STAM2: variants seen among roughly 807,000 people sequenced by gnomAD.
STAM2 encodes the protein signal transducing adaptor molecule 2, also known as signal transducing adapter molecule 2.
In STAM2, 51 loss-of-function variants were observed where a neutral mutation model predicts 65.6. The observed-to-expected ratio is 0.78, with a 90% CI of 0.62 to 0.98. The LOEUF is 0.98. Ranked by LOEUF, STAM2 falls within the 50% of genes least tolerant of loss-of-function variation. The pLI is 0.00. For synonymous variants in STAM2, 198 were observed against 208.4 expected, an observed-to-expected ratio of 0.95 and a Z score of 0.43; for missense variants, 584 against 617.8, an observed-to-expected ratio of 0.95 and a Z score of 0.58.
chr2:152,157,685 A>G (rs1689579048), intron 1 of STAM2, among the ~76,000 whole-genome samples: 1 of 152,254 alleles, frequency 6.6e-6, no homozygotes. Flanking sequence ...TTGTTATGGC[A>G]GCCCAAGCAG....
chr2:152,160,477 G>C (rs541646482), intron 1 of STAM2, among the ~76,000 whole-genome samples: 3 of 151,818 alleles, frequency 2.0e-5, no homozygotes, highest in African/African-American at 7.2e-5. Context: ...GAGAAGTGAG[G>C]AGCCCCTCCG....
At chr2:152,168,136 T>C (rs1038548983) in intron 1 of STAM2, among the ~76,000 whole-genome samples, 1 of 151,668 alleles carries the variant, frequency 6.6e-6, no homozygotes, top group Non-Finnish European at 1.5e-5. Context: ...TTTGATATCC[T>C]ACCCTACATA....
chr2:152,169,973 G>C (rs1689870169), intron 1 of STAM2, among the ~76,000 whole-genome samples: 1 of 151,876 alleles, frequency 6.6e-6, no homozygotes, highest in South Asian at 2.1e-4. Flanking sequence ...GAGTAGCTGA[G>C]ATGACAGGCA....
At chr2:152,158,787 C>T (rs1689601147) in intron 1 of STAM2, among the ~76,000 whole-genome samples, 1 of 152,016 alleles carries the variant, frequency 6.6e-6, no homozygotes, top group Non-Finnish European at 1.5e-5. Flanking sequence ...TGTGTCCTTA[C>T]ATGGCAGAAG....
At chr2:152,172,743 C>T (rs1329994754) in intron 1 of STAM2, among the ~76,000 whole-genome samples, 4 of 151,538 alleles carry the variant, frequency 2.6e-5, no homozygotes, top group Non-Finnish European at 4.4e-5. Context: ...TGGTGGTGCG[C>T]ACCTGTAGTC....
chr2:152,147,110 CA>C (rs776623890), intron 5 of STAM2, 51 bp downstream of exon 5: 21 of 1,511,684 alleles, frequency 1.4e-5, no homozygotes, highest in Non-Finnish European at 1.9e-5. Context: ...ACATAACATA[CA>C]TACCTTCAAA....
chr2:152,151,034 TA>T (rs1165953770), intron 1 of STAM2, among the ~76,000 whole-genome samples: 2 of 152,066 alleles, frequency 1.3e-5, no homozygotes, highest in Non-Finnish European at 2.9e-5. Flanking sequence ...AATTGATTAA[TA>T]AATTCATACA....
At chr2:152,139,248 G>A (rs1490001228) in intron 7 of STAM2, among the ~76,000 whole-genome samples, 1 of 152,084 alleles carries the variant, frequency 6.6e-6, no homozygotes, top group Non-Finnish European at 1.5e-5. Context: ...AATCACAACT[G>A]AGTGAAAAAC....
At chr2:152,169,603 T>C (rs1382549183) in intron 1 of STAM2, among the ~76,000 whole-genome samples, 1 of 151,970 alleles carries the variant, frequency 6.6e-6, no homozygotes, top group Non-Finnish European at 1.5e-5. Context: ...ATAAAAGTAA[T>C]GAGCAGGCAA....
chr2:152,149,843 C>T (rs1320356751), intron 2 of STAM2, among the ~76,000 whole-genome samples: 1 of 151,992 alleles, frequency 6.6e-6, no homozygotes, highest in Non-Finnish European at 1.5e-5. Context: ...ATACCATAAA[C>T]AGTAGATGGA....
chr2:152,162,423 T>C (rs900601446), intron 1 of STAM2, among the ~76,000 whole-genome samples: 1 of 151,100 alleles, frequency 6.6e-6, no homozygotes. Context: ...AAAAAAAAAA[T>C]TGAAATAGTA....
At chr2:152,124,016 A>G in intron 12 of STAM2, 81 bp from the exon 13 acceptor site, 1 of 1,196,614 alleles carries the variant, frequency 8.4e-7, no homozygotes, top group Non-Finnish European at 1.2e-6. Flanking sequence ...TAAAAGACTT[A>G]AAGGAAAGAA....
intron 11 of STAM2, among the ~76,000 whole-genome samples, chr2:152,128,660 C>T (rs1325924208): frequency 1.3e-5 from 2 of 152,082 alleles, no homozygotes; most frequent in South Asian, 4.1e-4. Flanking sequence ...TAGAAAATTA[C>T]CTTTGGAGGA....
chr2:152,120,611 T>C lies in STAM2; in HGVS notation c.1541A>G (p.Gln514Arg), dbSNP rs763746100. The change falls in exon 14 of 14, where the codon CAG (glutamine) becomes CGG (arginine). Residue 514 changes from glutamine (Q) to arginine (R), a missense_variant. Transcript: ENST00000263904. Reference protein sequence around the residue: ...PVTVPAHPVAQQHTNYHQQPL... With the variant: ...PVTVPAHPVARQHTNYHQQPL... ...CTGCTGATGGTAATTTGTGTGCTGC[T>C]GTGCAACTGGATGAGCTGGAACTGT... 1.9e-6 allele frequency: 3 copies of C among 1,614,140 alleles called. No homozygotes were observed. Among genetic ancestry groups the C allele is most frequent in the Non-Finnish European group, 2.5e-6 (3 of 1,180,016 alleles).
intron 1 of STAM2, among the ~76,000 whole-genome samples, chr2:152,158,727 G>A (rs992311441): frequency 9.2e-5 from 14 of 152,120 alleles, no homozygotes; most frequent in Admixed American, 5.9e-4. Flanking sequence ...AGTTCTGGAG[G>A]CTGGAAAATC....
At chr2:152,162,411 T>TAAAA (rs199862931) in intron 1 of STAM2, among the ~76,000 whole-genome samples, 4 of 146,726 alleles carry the variant, frequency 2.7e-5, no homozygotes, top group Non-Finnish European at 4.5e-5. Context: ...CCTCACCTCT[T>TAAAA]AAAAAAAAAA....
chr2:152,142,876 ATTT>A (rs1689273421), intron 7 of STAM2, among the ~76,000 whole-genome samples: 1 of 152,014 alleles, frequency 6.6e-6, no homozygotes, highest in Non-Finnish European at 1.5e-5. Flanking sequence ...TTCTTGCAAA[ATTT>A]TTTATCTTAT....
intron 1 of STAM2, among the ~76,000 whole-genome samples, chr2:152,170,482 CAAAAA>C (rs111603376): frequency 9.8e-6 from 1 of 101,868 alleles, no homozygotes. Flanking sequence ...GACTCCGTCT[CAAAAA>C]AAAAAAAAAA....
chr2:152,146,260 A>G (rs1016230651), intron 5 of STAM2, among the ~76,000 whole-genome samples: 1 of 145,074 alleles, frequency 6.9e-6, no homozygotes, highest in Non-Finnish European at 1.5e-5. Flanking sequence ...AACAAGAGCA[A>G]AACTCCATCT....
Sources: allele counts gnomAD v4.1 joint callset (sites outside exome capture counted in the v4.1 genomes callset), GRCh38; gene constraint gnomAD v4.1.1; transcripts MANE v1.5; gene names NCBI Gene and HGNC (gene_info 2026-07-23, HGNC 2026-07-21).